EXOC4: variants seen among roughly 807,000 people sequenced by gnomAD.
EXOC4 encodes SEC8-like 1.
Under a neutral mutation model 107.2 loss-of-function variants are expected in EXOC4, and 71 were observed. The observed-to-expected ratio is 0.66, with a 90% CI of 0.55 to 0.81. The LOEUF is 0.81. EXOC4 is among the 30% of genes least tolerant of loss of function. The pLI, the probability that EXOC4 is intolerant of heterozygous loss-of-function variation, is 0.00. For missense variants in EXOC4, 1,108 were observed against 1,189.6 expected, an observed-to-expected ratio of 0.93 and a Z score of 1.01; for synonymous variants, 456 against 441.2, an observed-to-expected ratio of 1.03 and a Z score of -0.42.
At chr7:133,610,609 C>G (rs890594771) in intron 9 of EXOC4, among the ~76,000 whole-genome samples, 3 of 152,046 alleles carry the variant, frequency 2.0e-5, no homozygotes, top group African/African-American at 7.2e-5. Context: ...TAAACATTCC[C>G]CATTTCTTCC....
At chr7:133,379,405 G>A (rs1217448384) in intron 7 of EXOC4, among the ~76,000 whole-genome samples, 2 of 151,822 alleles carry the variant, frequency 1.3e-5, no homozygotes, top group African/African-American at 2.4e-5. Context: ...GTCATTTTGG[G>A]TTTAAAAGAT....
At chr7:133,382,767 G>A (rs1182931860) in intron 7 of EXOC4, among the ~76,000 whole-genome samples, 2 of 152,144 alleles carry the variant, frequency 1.3e-5, no homozygotes, top group African/African-American at 4.8e-5. Context: ...TCTTTGTATA[G>A]TAAATTAATT....
chr7:133,419,907 G>T (rs1024778096), intron 7 of EXOC4, among the ~76,000 whole-genome samples: 1 of 151,832 alleles, frequency 6.6e-6, no homozygotes, highest in Non-Finnish European at 1.5e-5. Context: ...TGCAGTCAAG[G>T]TGTTAGCCAG....
chr7:133,347,737 A>ATG (rs144171871), intron 5 of EXOC4, among the ~76,000 whole-genome samples: 48 of 151,542 alleles, frequency 3.2e-4, no homozygotes, highest in Middle Eastern at 6.8e-3. Flanking sequence ...TATACATACA[A>ATG]TGTGTGTGTG....
chr7:133,978,373 G>A (rs942718126), intron 14 of EXOC4, among the ~76,000 whole-genome samples: 5 of 152,176 alleles, frequency 3.3e-5, no homozygotes, highest in Non-Finnish European at 5.9e-5. Flanking sequence ...TGCCTTAGAG[G>A]TTGCAGCATT....
chr7:133,800,095 C>T (rs1189765611), intron 10 of EXOC4, among the ~76,000 whole-genome samples: 1 of 127,304 alleles, frequency 7.9e-6, no homozygotes, highest in Non-Finnish European at 1.6e-5. Context: ...TTTATACTTA[C>T]AGTCAAACAT....
At chr7:133,434,125 C>A (rs892322105) in intron 7 of EXOC4, among the ~76,000 whole-genome samples, 3 of 152,156 alleles carry the variant, frequency 2.0e-5, no homozygotes, top group African/African-American at 7.2e-5. Context: ...GTGCCTTCAG[C>A]ATCATTAGAT....
At chr7:133,280,291 T>C (rs552853744) in intron 2 of EXOC4, among the ~76,000 whole-genome samples, 56 of 152,336 alleles carry the variant, frequency 3.7e-4, no homozygotes, top group African/African-American at 1.3e-3. Context: ...TGAGATGTTA[T>C]TGCATTGGTA....
Position 133,679,771 on chromosome 7 carries a change from C to A in EXOC4, c.1514+49630C>A, listed in dbSNP as rs965374062. Among the ~76,000 whole-genome samples the A allele has an allele frequency of 3.3e-5, 5 of 152,308 alleles. No individual in the cohort carries two copies. In the East Asian group the frequency reaches 9.6e-4, roughly 29 times the overall value. Reference sequence around the variant, plus strand: ...TTCTTCTAGAATTTGCATTTTCTCACTGCAGAACACTGTAGAATGTTAAAG... The same window carrying A: ...TTCTTCTAGAATTTGCATTTTCTCAATGCAGAACACTGTAGAATGTTAAAG... On this transcript the variant is annotated intron_variant, in intron 10 of 17. Transcript: ENST00000253861.
intron 9 of EXOC4, among the ~76,000 whole-genome samples, chr7:133,539,409 A>G (rs181963261): frequency 1.3e-5 from 2 of 150,796 alleles, no homozygotes; most frequent in Admixed American, 6.6e-5. Context: ...TTTTTTTCCT[A>G]TTGCATAACT....
intron 1 of EXOC4, among the ~76,000 whole-genome samples, chr7:133,268,226 A>G (rs1003702558): frequency 1.3e-5 from 2 of 152,210 alleles, no homozygotes; most frequent in Non-Finnish European, 2.9e-5. Context: ...AAAGTTGCAG[A>G]GCTCCGTTTG....
chr7:133,273,534 C>A (rs759366062), intron 1 of EXOC4, among the ~76,000 whole-genome samples: 1 of 152,124 alleles, frequency 6.6e-6, no homozygotes, highest in Non-Finnish European at 1.5e-5. Flanking sequence ...CCTGCCATCC[C>A]CCTACCCGTA....
chr7:133,286,074 T>A (rs1395257409), intron 2 of EXOC4, among the ~76,000 whole-genome samples: 2 of 152,142 alleles, frequency 1.3e-5, no homozygotes, highest in South Asian at 2.1e-4. Context: ...TTTAAAAAAA[T>A]TATTTAATTA....
intron 11 of EXOC4, among the ~76,000 whole-genome samples, chr7:133,827,126 C>T (rs768485070): frequency 6.6e-6 from 1 of 152,182 alleles, no homozygotes; most frequent in Non-Finnish European, 1.5e-5. Context: ...ATTTCCTTCA[C>T]ATAGTGTCAT....
chr7:133,699,746 A>T (rs539654357), intron 10 of EXOC4, among the ~76,000 whole-genome samples: 132 of 152,320 alleles, frequency 8.7e-4, no homozygotes, highest in African/African-American at 3.0e-3. Context: ...AGTCTTCTCA[A>T]GTACATGTGA....
At position 133,423,081 on chromosome 7, in the gene EXOC4, G is replaced by A. The variant is rs1250273117; in HGVS notation, c.1182+48079G>A. Among the ~76,000 whole-genome samples the A allele has an allele frequency of 9.2e-4, 33 of 35,806 alleles. 15 individuals carry two copies. The highest frequency in any genetic ancestry group is 8.6e-3 in the Admixed American group (28 of 3,268). The allele number at this position is 35,806 out of a possible 152,430, so 23.5% of individuals were successfully genotyped here. ...AAAATACAAAAAATTAGCCGGGCGCGGTGGCGGGCGCCTGTAGTCCCAGCT... is the reference window on the plus strand; with the variant it reads ...AAAATACAAAAAATTAGCCGGGCGCAGTGGCGGGCGCCTGTAGTCCCAGCT... On this transcript the variant is annotated intron_variant, in intron 7 of 17. Coordinates refer to ENST00000253861, the MANE Select transcript of EXOC4 (RefSeq NM_021807.4).
chr7:133,922,583 A>G (rs1799959812), intron 13 of EXOC4, among the ~76,000 whole-genome samples: 2 of 152,178 alleles, frequency 1.3e-5, no homozygotes, highest in South Asian at 4.1e-4. Context: ...GCGGTGGCTC[A>G]TGCCTGTAAT....
At chr7:133,588,379 C>G (rs1320128707) in intron 9 of EXOC4, among the ~76,000 whole-genome samples, 3 of 152,080 alleles carry the variant, frequency 2.0e-5, no homozygotes, top group Non-Finnish European at 4.4e-5. Flanking sequence ...AAATACAAAC[C>G]AAATGCTTTT....
intron 14 of EXOC4, among the ~76,000 whole-genome samples, chr7:133,945,275 TAACA>T (rs1395370941): frequency 1.3e-5 from 2 of 152,232 alleles, no homozygotes; most frequent in African/African-American, 4.8e-5. Flanking sequence ...CAGGCAATTT[TAACA>T]AACAACCAAG....
Sources: allele counts gnomAD v4.1 joint callset (sites outside exome capture counted in the v4.1 genomes callset), GRCh38; gene constraint gnomAD v4.1.1; transcripts MANE v1.5; gene names NCBI Gene and HGNC (gene_info 2026-07-23, HGNC 2026-07-21).